AFG2A: variants seen among roughly 807,000 people sequenced by gnomAD.
AFG2A encodes ATPase family gene 2 protein homolog A.
the AFG2A span, among the ~76,000 whole-genome samples, chr4:123,107,083 T>C: frequency 6.6e-6 from 1 of 152,178 alleles, no homozygotes; most frequent in South Asian, 2.1e-4. Context: ...CCCAGAAGCT[T>C]GGAGAAGCCA....
the AFG2A span, among the ~76,000 whole-genome samples, chr4:123,152,223 A>T: frequency 3.9e-5 from 6 of 152,168 alleles, no homozygotes; most frequent in Non-Finnish European, 8.8e-5. Flanking sequence ...TGGCACATGT[A>T]TACCTATGTA....
chr4:123,230,534 C>G, the AFG2A span, among the ~76,000 whole-genome samples: 103,179 of 151,732 alleles, frequency 0.68, 35,687 homozygotes, highest in Admixed American at 0.72. Context: ...AAAGTTATTC[C>G]TGAGGGTTGG....
At chr4:122,980,471 A>C in the AFG2A span, among the ~76,000 whole-genome samples, 1 of 152,172 alleles carries the variant, frequency 6.6e-6, no homozygotes, top group Non-Finnish European at 1.5e-5. Context: ...TGAACATGAG[A>C]GTGCAGATAT....
At chr4:122,995,285 C>T in the AFG2A span, among the ~76,000 whole-genome samples, 1 of 151,870 alleles carries the variant, frequency 6.6e-6, no homozygotes. Flanking sequence ...CATATTGGTT[C>T]TTGGCAGGGC....
chr4:123,260,537 T>C, the AFG2A span, among the ~76,000 whole-genome samples: 1 of 152,244 alleles, frequency 6.6e-6, no homozygotes, highest in South Asian at 2.1e-4. Flanking sequence ...TAACGTTTTT[T>C]CTGACATCTC....
At chr4:123,060,843 C>G in the AFG2A span, among the ~76,000 whole-genome samples, 1 of 152,170 alleles carries the variant, frequency 6.6e-6, no homozygotes, top group Non-Finnish European at 1.5e-5. Flanking sequence ...TATCTTCAGG[C>G]TACAAAATTC....
chr4:123,199,278 A>G, the AFG2A span, among the ~76,000 whole-genome samples: 1 of 152,190 alleles, frequency 6.6e-6, no homozygotes, highest in Admixed American at 6.5e-5. Context: ...ATTTTTAAAT[A>G]TAAAATAATG....
At chr4:123,280,858 G>T in the AFG2A span, among the ~76,000 whole-genome samples, 1 of 152,182 alleles carries the variant, frequency 6.6e-6, no homozygotes, top group South Asian at 2.1e-4. Flanking sequence ...TGGATATCTT[G>T]GGGGTGGGGC....
At chr4:123,058,699 C>A in the AFG2A span, among the ~76,000 whole-genome samples, 1 of 151,686 alleles carries the variant, frequency 6.6e-6, no homozygotes, top group African/African-American at 2.4e-5. Flanking sequence ...TGGGGGAAAC[C>A]ACCCCCATGA....
the AFG2A span, among the ~76,000 whole-genome samples, chr4:122,973,404 A>G: frequency 2.7e-5 from 4 of 149,276 alleles, no homozygotes; most frequent in Admixed American, 6.7e-5. Context: ...TTAGGGTAAT[A>G]TCTTAAAATA....
At chr4:123,124,956 C>G in the AFG2A span, among the ~76,000 whole-genome samples, 1 of 152,068 alleles carries the variant, frequency 6.6e-6, no homozygotes, top group Non-Finnish European at 1.5e-5. Context: ...AAAACAATCA[C>G]CAGGAAACAT....
chr4:123,124,154 T>C, the AFG2A span, among the ~76,000 whole-genome samples: 1 of 151,942 alleles, frequency 6.6e-6, no homozygotes, highest in Non-Finnish European at 1.5e-5. Context: ...ACCCAAACGA[T>C]TATAAATCAT....
the AFG2A span, among the ~76,000 whole-genome samples, chr4:123,285,194 C>T: frequency 5.9e-5 from 9 of 152,128 alleles, no homozygotes; most frequent in Non-Finnish European, 1.2e-4. Context: ...AAGTCCTCAG[C>T]TTTCCTGACC....
chr4:123,033,901 C>T, the AFG2A span, among the ~76,000 whole-genome samples: 1 of 152,028 alleles, frequency 6.6e-6, no homozygotes, highest in Non-Finnish European at 1.5e-5. Flanking sequence ...GCATAACTCC[C>T]CACTCCTTGA....
the AFG2A span, among the ~76,000 whole-genome samples, chr4:123,300,535 T>A: frequency 1.3e-5 from 2 of 152,270 alleles, no homozygotes; most frequent in South Asian, 4.1e-4. Context: ...ATTTTGCAGA[T>A]AAGGAAACAA....
chr4:122,950,021 C>T, the AFG2A span, among the ~76,000 whole-genome samples: 4 of 152,174 alleles, frequency 2.6e-5, no homozygotes, highest in Non-Finnish European at 5.9e-5. Context: ...CTTTGTGTCC[C>T]AGGTTGGGGG....
chr4:122,992,134 A>C, the AFG2A span, among the ~76,000 whole-genome samples: 1 of 152,256 alleles, frequency 6.6e-6, no homozygotes, highest in South Asian at 2.1e-4. Flanking sequence ...GAATGTGTTT[A>C]AACAGCATCC....
the AFG2A span, among the ~76,000 whole-genome samples, chr4:122,966,646 A>G: frequency 2.0e-5 from 3 of 152,210 alleles, no homozygotes; most frequent in Admixed American, 2.0e-4. Flanking sequence ...AAATAAAGGA[A>G]TGTACTAAAT....
At chr4:122,927,799 T>G in the AFG2A span, 2 of 1,602,606 alleles carry the variant, frequency 1.2e-6, no homozygotes, top group Non-Finnish European at 1.7e-6. Flanking sequence ...AAATACAAAC[T>G]GAACATTGCA....
Sources: gnomAD v4.1 joint callset for allele counts (sites outside exome capture counted in the v4.1 genomes callset) on GRCh38, gnomAD v4.1.1 for gene constraint, MANE v1.5 for transcripts, NCBI Gene and HGNC (gene_info 2026-07-23, HGNC 2026-07-21) for gene names.